The following PHF14 variants were observed in gnomAD, a reference collection of about 807,000 sequenced individuals.
The protein encoded by PHF14 is PHD finger protein 14.
In PHF14, 55 loss-of-function variants were observed where a neutral mutation model predicts 117.9. That is an observed-to-expected ratio of 0.47 (90% confidence interval 0.38 to 0.58). PHF14 has a LOEUF of 0.58. Among genes scored for constraint, PHF14 ranks in the 20% least tolerant of loss-of-function variants. The pLI is 0.00. For synonymous variants in PHF14, 409 were observed against 368.6 expected (o/e 1.11, Z -1.26); for missense variants, 978 against 1,122.2 (o/e 0.87, Z 1.84).
chr7:10,993,082 A>T (rs770417476), intron 4 of PHF14, among the ~76,000 whole-genome samples: 1 of 152,144 alleles, frequency 6.6e-6, no homozygotes, highest in African/African-American at 2.4e-5. Flanking sequence ...TACTGGTGAT[A>T]TTACTATTAC....
At chr7:11,041,118 T>C (rs1784491033) in intron 12 of PHF14, among the ~76,000 whole-genome samples, 1 of 152,098 alleles carries the variant, frequency 6.6e-6, no homozygotes, top group Admixed American at 6.5e-5. Flanking sequence ...GTTTGTTTTT[T>C]AGATAGTGAT....
At chr7:11,134,354 G>C (rs564516448) in intron 17 of PHF14, among the ~76,000 whole-genome samples, 1 of 152,030 alleles carries the variant, frequency 6.6e-6, no homozygotes, top group Admixed American at 6.6e-5. Flanking sequence ...ATATCATTTA[G>C]AGAGATTTGC....
At chr7:10,975,591 G>A (rs916642871) in intron 2 of PHF14, among the ~76,000 whole-genome samples, 2 of 152,012 alleles carry the variant, frequency 1.3e-5, no homozygotes, top group Non-Finnish European at 2.9e-5. Context: ...TGTATTTTCT[G>A]TTCAGTGTAC....
chr7:11,111,348 A>C lies in PHF14; in HGVS notation c.2655-2A>C. ...CTACCTATAAATCTGTTTACCCTGC[A>C]GGTGTGATGAATGCAGACTCTGCTA... On this transcript the variant is annotated splice_acceptor_variant, in intron 16 of 17. Transcript: ENST00000634607. LOFTEE classifies it high-confidence loss of function. 1 of 1,493,382 alleles carries C rather than the reference A, an allele frequency of 6.7e-7. No homozygotes were observed. Among genetic ancestry groups the C allele is most frequent in the Non-Finnish European group, 9.3e-7 (1 of 1,074,394 alleles). The allele number at this position is 1,493,382 out of a possible 1,614,324, so 92.5% of individuals were successfully genotyped here. A position where few individuals can be genotyped will look rare whatever the true frequency, so the allele number is the denominator to read the frequency against.
chr7:11,061,765 T>A lies in PHF14; in HGVS notation c.2482-26T>A, dbSNP rs1224759769. On this transcript the variant is annotated intron_variant, in intron 14 of 17. Coordinates refer to ENST00000634607, the MANE Select transcript of PHF14 (RefSeq NM_001007157.2). Reference sequence around the variant, plus strand: ...TAGATATACTGTGGATTTTTGTTTTTTGTTTTTTTTTTTGTTTTTTTCCAG... The same window carrying A: ...TAGATATACTGTGGATTTTTGTTTTATGTTTTTTTTTTTGTTTTTTTCCAG... 2.7e-6 allele frequency: 4 copies of A among 1,488,282 alleles called. No homozygotes were observed. The Admixed American group carries it at 8.0e-5, about 30-fold the overall frequency. The allele number at this position is 1,488,282 out of a possible 1,614,324, so 92.2% of individuals were successfully genotyped here.
intron 17 of PHF14, among the ~76,000 whole-genome samples, chr7:11,122,878 C>T (rs946538732): frequency 6.6e-6 from 1 of 152,066 alleles, no homozygotes; most frequent in Non-Finnish European, 1.5e-5. Flanking sequence ...TTTCCAAGTT[C>T]TGAAATTGCC....
At chr7:11,034,059 A>G (rs994053048) in intron 7 of PHF14, among the ~76,000 whole-genome samples, 2 of 152,154 alleles carry the variant, frequency 1.3e-5, no homozygotes, top group African/African-American at 4.8e-5. Context: ...TATGTCTTCA[A>G]ATTCTGTGAT....
intron 2 of PHF14, among the ~76,000 whole-genome samples, chr7:10,980,973 A>G (rs1050239880): frequency 1.3e-5 from 2 of 152,204 alleles, no homozygotes; most frequent in African/African-American, 2.4e-5. Context: ...CAAGTAAGCT[A>G]TGGATACCTA....
At chr7:11,129,716 A>C (rs1487799422) in intron 17 of PHF14, among the ~76,000 whole-genome samples, 1 of 151,994 alleles carries the variant, frequency 6.6e-6, no homozygotes, top group African/African-American at 2.4e-5. Context: ...CACATACTTC[A>C]CTAGGTGCTT....
At chr7:11,062,120 T>C (rs945505311) in intron 16 of PHF14, 35 bp downstream of exon 16, 4 of 1,549,058 alleles carry the variant, frequency 2.6e-6, no homozygotes, top group Non-Finnish European at 3.5e-6. Context: ...CTTTAGGGGA[T>C]GAAAGTTCTA....
chr7:11,043,843 C>G (rs1318980303), intron 13 of PHF14, among the ~76,000 whole-genome samples: 33 of 151,952 alleles, frequency 2.2e-4, no homozygotes, highest in Non-Finnish European at 8.8e-5. Context: ...AAATTGAAAG[C>G]TAGTTTGATA....
intron 11 of PHF14, among the ~76,000 whole-genome samples, chr7:11,040,344 A>G (rs1035376031): frequency 6.6e-6 from 1 of 152,080 alleles, no homozygotes; most frequent in African/African-American, 2.4e-5. Flanking sequence ...AATGGCCTCA[A>G]TATTCTTTTT....
chr7:10,994,689 A>G (rs1474394218), intron 4 of PHF14, among the ~76,000 whole-genome samples: 1 of 152,026 alleles, frequency 6.6e-6, no homozygotes. Flanking sequence ...AACAGTTTTT[A>G]AAGGCGGCGT....
intron 4 of PHF14, among the ~76,000 whole-genome samples, chr7:11,003,174 C>T (rs555304069): frequency 2.0e-5 from 3 of 152,020 alleles, no homozygotes; most frequent in South Asian, 2.1e-4. Context: ...CTCCTGACCT[C>T]GTGGTCCGCC....
At chr7:11,121,268 T>A (rs1011256643) in intron 17 of PHF14, among the ~76,000 whole-genome samples, 15 of 152,136 alleles carry the variant, frequency 9.9e-5, no homozygotes, top group Non-Finnish European at 2.1e-4. Context: ...GAAGTTAAGG[T>A]TTTTAACTTT....
chr7:11,145,553 A>G (rs1178734105), intron 17 of PHF14, among the ~76,000 whole-genome samples: 1 of 152,102 alleles, frequency 6.6e-6, no homozygotes, highest in Admixed American at 6.5e-5. Flanking sequence ...TTCACTTTTT[A>G]TAATTATGAA....
chr7:11,016,599 G>T (rs904396195), intron 5 of PHF14, among the ~76,000 whole-genome samples: 1 of 151,774 alleles, frequency 6.6e-6, no homozygotes, highest in Admixed American at 6.6e-5. Flanking sequence ...TTTATTTATA[G>T]TTTTACTATT....
At chr7:11,018,628 A>G (rs1239444908) in intron 5 of PHF14, among the ~76,000 whole-genome samples, 1 of 152,116 alleles carries the variant, frequency 6.6e-6, no homozygotes. Context: ...TATCGGTTCT[A>G]ATAGTTTTCT....
Position 11,042,852 on chromosome 7 carries a change from TTTACTC to T in PHF14, c.2312+42_2312+47del, listed in dbSNP as rs750293850. ...GAGGAGATTTAGATGTTTGAATTGA[TTTACTC>T]TTAGTTTCAGCAGTATAAGATGAAA... On this transcript the variant is annotated intron_variant, in intron 13 of 17. Coordinates refer to ENST00000634607, the MANE Select transcript of PHF14 (RefSeq NM_001007157.2). 6 of 1,422,988 alleles carry T rather than the reference TTTACTC, an allele frequency of 4.2e-6. No individual in the cohort carries two copies. In the East Asian group the frequency reaches 7.3e-5, roughly 17 times the overall value. The allele number at this position is 1,422,988 out of a possible 1,614,324, so 88.1% of individuals were successfully genotyped here.
Sources: allele counts gnomAD v4.1 joint callset (sites outside exome capture counted in the v4.1 genomes callset), GRCh38; gene constraint gnomAD v4.1.1; transcripts MANE v1.5; gene names NCBI Gene and HGNC (gene_info 2026-07-23, HGNC 2026-07-21).